Variants in DPP9 observed in about 807,000 individuals in gnomAD.
DPP9 encodes dipeptidyl peptidase 9, also known as dipeptidyl peptidase IV-related protein-2.
In DPP9, 50 loss-of-function variants were observed where a neutral mutation model predicts 110.7. The ratio of observed to expected loss-of-function variants is 0.45; its 90% CI spans 0.36 to 0.57. The LOEUF (loss-of-function observed/expected upper bound fraction) is 0.57, where lower values mean the gene tolerates loss of function less well. Ranked by LOEUF, DPP9 falls within the 20% of genes least tolerant of loss-of-function variation. The probability of loss-of-function intolerance (pLI) is 0.00; values close to 1 mark genes in which losing one functional copy is unlikely to be tolerated. For synonymous variants in DPP9, 561 were observed against 514.4 expected, an observed-to-expected ratio of 1.09 and a Z score of -1.23; for missense variants, 1,022 against 1,217.9, an observed-to-expected ratio of 0.84 and a Z score of 2.39.
Position 4,695,153 on chromosome 19 carries a change from T to C in DPP9, c.1353+225A>G. ...GCAACAGAGCAACCCTGTCTCTAAT[T>C]AAAGAAAAAAATAGATGAGGGGAGA... On this transcript the variant is annotated intron_variant, in intron 12 of 21. Transcript: ENST00000262960. The surrounding 1 kb of genome is among the most constrained non-coding windows in gnomAD (Gnocchi z 4.7). The C allele has an allele frequency of 1.7e-6, 1 of 573,778 alleles. No homozygotes were observed. The highest frequency in any genetic ancestry group is 3.4e-5 in the Admixed American group (1 of 29,776). 35.5% of individuals were successfully genotyped at this position (573,778 alleles called of 1,614,324 possible). A position where few individuals can be genotyped will look rare whatever the true frequency, so the allele number is the denominator to read the frequency against.
intron 10 of DPP9, among the ~76,000 whole-genome samples, 189 bp from the exon 11 acceptor site, chr19:4,697,840 T>A (rs1373015001): frequency 6.6e-6 from 1 of 152,128 alleles, no homozygotes; most frequent in African/African-American, 2.4e-5. Flanking sequence ...TAAGACAAGG[T>A]TGTGTGGATG....
At chr19:4,721,483 TA>T (rs1393993169) in intron 2 of DPP9, among the ~76,000 whole-genome samples, 1 of 152,192 alleles carries the variant, frequency 6.6e-6, no homozygotes, top group Non-Finnish European at 1.5e-5. Context: ...CCCAAAGGCT[TA>T]AAGAAGAGAG....
chr19:4,719,739 TG>T, intron 3 of DPP9, 111 bp downstream of exon 3: 1 of 1,274,810 alleles, frequency 7.8e-7, no homozygotes, highest in Non-Finnish European at 1.1e-6. Flanking sequence ...GGGGACGTGC[TG>T]GGGAAGCCAG....
chr19:4,679,637 G>C lies in DPP9; in HGVS notation c.2586+198C>G. 8.6e-6 allele frequency: 5 copies of C among 580,820 alleles called. No homozygotes were observed. The South Asian group carries it at 1.0e-4, about 12-fold the overall frequency. The allele number at this position is 580,820 out of a possible 1,614,324, so 36.0% of individuals were successfully genotyped here. A position where few individuals can be genotyped will look rare whatever the true frequency, so the allele number is the denominator to read the frequency against. ...CCGAAGGCAGGCGGAACCCTGAGCT[G>C]TCAAGACAGGACTGATACATCAATG... On this transcript the variant is annotated intron_variant, in intron 21 of 21. Coordinates refer to ENST00000262960, the MANE Select transcript of DPP9 (RefSeq NM_139159.5).
intron 9 of DPP9, 86 bp downstream of exon 9, chr19:4,701,941 G>T: frequency 6.5e-7 from 1 of 1,535,954 alleles, no homozygotes; most frequent in Non-Finnish European, 8.8e-7. Flanking sequence ...GCAGCTCAGA[G>T]GGCCTGGGGG....
Position 4,695,509 on chromosome 19 carries a change from C to T in DPP9, c.1222G>A (p.Val408Ile), listed in dbSNP as rs774865262. The part of the protein sequence containing the change: ...LDRPQQWLQL[V>I]LLPPALFIPS... ...ATGAACAGGGCCGGGGGGAGGAGGA[C>T]GAGCTGGAGCCACTGCTGGGGCCGG... Residue 408 changes from valine to isoleucine, a missense_variant, in exon 12 of 22, where the codon GTC becomes ATC. Val to Ile is a conservative substitution (Grantham distance 29). This residue lies in a region of DPP9 where 810 missense variants were observed against 920.6 expected (regional missense o/e 0.88). Coordinates refer to ENST00000262960, the MANE Select transcript of DPP9 (RefSeq NM_139159.5). This position sits in a 1 kb window ranked among gnomAD's most constrained non-coding sequence, Gnocchi z 4.7. 160 of 1,538,408 alleles carry T rather than the reference C, an allele frequency of 1.0e-4. No individual in the cohort carries two copies. The highest frequency in any genetic ancestry group is 5.2e-4 in the Middle Eastern group (3 of 5,812).
rs2092798862 is a variant in DPP9 at position 4,710,865 on chromosome 19, C to G, written c.313+3216G>C. Among the ~76,000 whole-genome samples, 1 of 152,176 alleles carries G rather than the reference C, an allele frequency of 6.6e-6. No homozygotes were observed. Among genetic ancestry groups the G allele is most frequent in the African/African-American group, 2.4e-5 (1 of 41,452 alleles). ...GTTTTTGAGCTACTCTAGGTACGTT[C>G]TGGGGTTTCTGCCAAGTTCATGCCC... On this transcript the variant is annotated intron_variant, in intron 4 of 21. Coordinates refer to ENST00000262960, the MANE Select transcript of DPP9 (RefSeq NM_139159.5). The surrounding 1 kb of genome is among the most constrained non-coding windows in gnomAD (Gnocchi z 5.6).
chr19:4,711,208 G>C (rs1258141397), intron 4 of DPP9, among the ~76,000 whole-genome samples: 1 of 152,136 alleles, frequency 6.6e-6, no homozygotes, highest in African/African-American at 2.4e-5. Flanking sequence ...TGGGCTTTCT[G>C]CTCTTGGGTT....
At position 4,695,482 on chromosome 19, in the gene DPP9, G is replaced by A. The variant is rs1319638510; in HGVS notation, c.1249C>T (p.Pro417Ser). The A allele has an allele frequency of 6.3e-7, 1 of 1,575,162 alleles. No individual in the cohort carries two copies. The highest frequency in any genetic ancestry group is 2.4e-5 in the East Asian group (1 of 42,496). ...CGCTGCTCCTCATTCTCTGTGCTCG[G>A]GATGAACAGGGCCGGGGGGAGGAGG... ...LVLLPPALFI[P>S]STENEEQRLA... Residue 417 changes from proline (P) to serine (S), a missense_variant, in exon 12 of 22, where the codon CCG becomes TCG. Physicochemically the swap from Pro to Ser is moderately conservative, Grantham distance 74. Around this residue, in one of 3 missense-constraint regions of DPP9, gnomAD observed 810 missense variants for 920.6 expected, o/e 0.88. Coordinates refer to ENST00000262960, the MANE Select transcript of DPP9 (RefSeq NM_139159.5). The surrounding 1 kb of genome is among the most constrained non-coding windows in gnomAD (Gnocchi z 4.7).
At chr19:4,696,795 A>G (rs2091839306) in intron 11 of DPP9, among the ~76,000 whole-genome samples, 1 of 152,162 alleles carries the variant, frequency 6.6e-6, no homozygotes, top group African/African-American at 2.4e-5. Flanking sequence ...TCACACCCAC[A>G]GTCCTAGCAA....
At chr19:4,719,996 T>C in intron 2 of DPP9, 55 bp from the exon 3 acceptor site, 1 of 1,438,204 alleles carries the variant, frequency 7.0e-7, no homozygotes, top group Non-Finnish European at 9.5e-7. Flanking sequence ...AGGTGGGGAG[T>C]GGGCGCTCCT....
At position 4,687,768 on chromosome 19, in the gene DPP9, C is replaced by T. The variant is rs1427795154; in HGVS notation, c.1885+989G>A. 2.0e-5 allele frequency among the ~76,000 whole-genome samples: 3 copies of T among 151,932 alleles called. No individual in the cohort carries two copies. Among genetic ancestry groups the T allele is most frequent in the African/African-American group, 4.8e-5 (2 of 41,360 alleles). ...CCAGTGTGGGTGGACTCTGACATCCCGGCCACCCCTGCATGGACCACCACT... is the reference window on the plus strand; with the variant it reads ...CCAGTGTGGGTGGACTCTGACATCCTGGCCACCCCTGCATGGACCACCACT... On this transcript the variant is annotated intron_variant, in intron 16 of 21. Transcript: ENST00000262960. The surrounding 1 kb of genome is among the most constrained non-coding windows in gnomAD (Gnocchi z 4.7).
chr19:4,721,504 G>C (rs2093320389), intron 2 of DPP9, among the ~76,000 whole-genome samples: 1 of 152,202 alleles, frequency 6.6e-6, no homozygotes, highest in Non-Finnish European at 1.5e-5. Flanking sequence ...GGGCCAGCTG[G>C]GTACAGTGGC....
rs2088840815 is a variant in DPP9 at position 4,676,474 on chromosome 19, G to A, written c.*90C>T. The A allele has an allele frequency of 1.7e-6, 2 of 1,162,336 alleles. No homozygotes were observed. The highest frequency in any genetic ancestry group is 2.0e-5 in the Admixed American group (1 of 50,038). The allele number at this position is 1,162,336 out of a possible 1,614,324, so 72.0% of individuals were successfully genotyped here. Reference sequence around the variant, plus strand: ...TGGGCGGGACAAAGTGCCTCACTGGGGCCCGCGGGCCACTCAGTCCCTCCC... The same window carrying A: ...TGGGCGGGACAAAGTGCCTCACTGGAGCCCGCGGGCCACTCAGTCCCTCCC... On this transcript the variant is annotated 3_prime_UTR_variant, in exon 22 of 22. Transcript: ENST00000262960. The surrounding 1 kb of genome is among the most constrained non-coding windows in gnomAD (Gnocchi z 4.0).
chr19:4,684,935 G>A lies in DPP9; in HGVS notation c.2032-126C>T, dbSNP rs765284698. 23 of 1,262,400 alleles carry A rather than the reference G, an allele frequency of 1.8e-5. No individual in the cohort carries two copies. The South Asian group carries it at 3.0e-4, about 16-fold the overall frequency. The allele number at this position is 1,262,400 out of a possible 1,614,324, so 78.2% of individuals were successfully genotyped here. On this transcript the variant is annotated intron_variant, in intron 17 of 21. Coordinates refer to ENST00000262960, the MANE Select transcript of DPP9 (RefSeq NM_139159.5). The surrounding 1 kb of genome is among the most constrained non-coding windows in gnomAD (Gnocchi z 4.8). ...CTCAGAGCCTAATGAAAGCACCTGT[G>A]CCCCGGAGGCTCTGGATGGACACCT...
chr19:4,695,378 A>G lies in DPP9; in HGVS notation c.1353T>C (p.Asn451=). 3 of 1,568,684 alleles carry G rather than the reference A, an allele frequency of 1.9e-6. No homozygotes were observed. Among genetic ancestry groups the G allele is most frequent in the Non-Finnish European group, 2.6e-6 (3 of 1,156,824 alleles). The change falls in exon 12 of 22, where the codon AAT becomes AAC. Residue 451 remains asparagine (N), a splice_region_variant and synonymous_variant. Coordinates refer to ENST00000262960, the MANE Select transcript of DPP9 (RefSeq NM_139159.5). The surrounding 1 kb of genome is among the most constrained non-coding windows in gnomAD (Gnocchi z 4.7). The part of the protein sequence containing the change: ...VYEEVTNVWI[N]VHDIFYPFPQ... ...TACAGCCAGCGCTTGCCCCGCTTAC[A>G]TTGATCCAGACGTTGGTGACCTCCT...
intron 2 of DPP9, chr19:4,722,221 G>A (rs1030684933): frequency 2.2e-6 from 1 of 445,798 alleles, no homozygotes; most frequent in Non-Finnish European, 4.0e-6. Context: ...GGTGGATCCA[G>A]GCACCCCTCC....
chr19:4,707,380 ACCCC>A (rs2092635993), intron 4 of DPP9, among the ~76,000 whole-genome samples: 1 of 152,076 alleles, frequency 6.6e-6, no homozygotes, highest in Admixed American at 6.6e-5. Flanking sequence ...CAGGATGGTA[ACCCC>A]TGGGAAGCCT....
At chr19:4,703,812 G>A in intron 7 of DPP9, 74 bp downstream of exon 7, 2 of 1,485,044 alleles carry the variant, frequency 1.3e-6, no homozygotes, top group South Asian at 2.5e-5. Flanking sequence ...GACCCTGGCT[G>A]TGGGGGCAAT....
Sources: allele counts gnomAD v4.1 joint callset (sites outside exome capture counted in the v4.1 genomes callset), GRCh38; gene constraint gnomAD v4.1.1; regional missense constraint gnomAD v4.1.1; non-coding constraint Gnocchi (gnomAD v3.1); transcripts MANE v1.5; gene names NCBI Gene and HGNC (gene_info 2026-07-23, HGNC 2026-07-21).